The following MAEA variants were observed in gnomAD, a reference collection of about 807,000 sequenced individuals.
MAEA encodes macrophage erythroblast attacher, E3 ubiquitin ligase, also known as E3 ubiquitin-protein transferase MAEA.
Under a neutral mutation model 46.2 loss-of-function variants are expected in MAEA, and 22 were observed. The ratio of observed to expected loss-of-function variants is 0.48; its 90% confidence interval spans 0.34 to 0.68. The LOEUF (loss-of-function observed/expected upper bound fraction) is 0.68. Ranked by LOEUF, MAEA falls within the 30% of genes least tolerant of loss-of-function variation. The pLI, the probability that MAEA is intolerant of heterozygous loss-of-function variation, is 0.01. For missense variants in MAEA, 393 were observed against 558.1 expected, an observed-to-expected ratio of 0.70 and a Z score of 2.98; for synonymous variants, 246 against 222.6, an observed-to-expected ratio of 1.11 and a Z score of -0.94.
intron 3 of MAEA, among the ~76,000 whole-genome samples, chr4:1,316,556 A>T (rs758985114): frequency 1.3e-5 from 2 of 152,000 alleles, no homozygotes; most frequent in African/African-American, 2.4e-5. Context: ...ATGCCCAGCC[A>T]TGCGCCTGGC....
chr4:1,333,587 C>G (rs1482119016), intron 6 of MAEA, among the ~76,000 whole-genome samples: 2 of 152,144 alleles, frequency 1.3e-5, no homozygotes, highest in Non-Finnish European at 2.9e-5. Flanking sequence ...CATCACTAAC[C>G]AGGCACCCTG....
At chr4:1,327,851 C>T in intron 5 of MAEA, 148 bp downstream of exon 5, 1 of 642,244 alleles carries the variant, frequency 1.6e-6, no homozygotes, top group Non-Finnish European at 2.7e-6. Flanking sequence ...GCTCAGGTGG[C>T]TGCTTCTCCC....
rs1263611153 is a variant in MAEA at position 1,297,095 on chromosome 4, C to T, written c.69+7113C>T. 3.9e-5 allele frequency among the ~76,000 whole-genome samples: 6 copies of T among 152,318 alleles called. No individual in the cohort carries two copies. In the South Asian group the frequency reaches 8.3e-4, roughly 21 times the overall value. On this transcript the variant is annotated intron_variant, in intron 1 of 8. Transcript: ENST00000303400. ...GGCAGTTCAAAGATACGATACCAGG[C>T]GCAAAACCAAATGCCGCATCTCGGC... is the stretch of plus-strand genomic sequence containing the variant.
rs1713225841 is a variant in MAEA, at chr4:1,339,347, T to C, written c.*178T>C. ...AAAATAAGGTTTCATAAGTTTGTAC[T>C]TGAAAACATTTGGATTGGTAGGATT... On this transcript the variant is annotated 3_prime_UTR_variant, in exon 9 of 9. Transcript: ENST00000303400. The C allele has an allele frequency of 1.7e-6, 1 of 588,156 alleles. No individual in the cohort carries two copies. The highest frequency in any genetic ancestry group is 2.8e-5 in the East Asian group (1 of 35,596). 36.4% of individuals were successfully genotyped at this position (588,156 alleles called of 1,614,324 possible).
At chr4:1,321,548 A>G (rs1453305803) in intron 3 of MAEA, among the ~76,000 whole-genome samples, 1 of 152,260 alleles carries the variant, frequency 6.6e-6, no homozygotes, top group African/African-American at 2.4e-5. Context: ...AAAACAGCGC[A>G]TCTGTGAGGC....
chr4:1,324,367 G>T (rs987054269), intron 4 of MAEA, among the ~76,000 whole-genome samples: 1 of 151,650 alleles, frequency 6.6e-6, no homozygotes, highest in African/African-American at 2.4e-5. Context: ...AGTGTGTCTG[G>T]TGTTGGATGA....
chr4:1,304,528 CCT>C (rs1405336784), intron 1 of MAEA, among the ~76,000 whole-genome samples: 1 of 152,208 alleles, frequency 6.6e-6, no homozygotes, highest in Non-Finnish European at 1.5e-5. Flanking sequence ...GCAAGCTCCG[CCT>C]CTTGGGTTTA....
intron 1 of MAEA, among the ~76,000 whole-genome samples, chr4:1,306,673 C>G (rs1213905995): frequency 2.6e-5 from 4 of 152,164 alleles, no homozygotes; most frequent in African/African-American, 9.7e-5. Flanking sequence ...ACATTGTTTT[C>G]TGAAGAGCAG....
chr4:1,322,589 G>A (rs1738269691), intron 4 of MAEA, 86 bp downstream of exon 4: 6 of 1,549,158 alleles, frequency 3.9e-6, no homozygotes, highest in African/African-American at 1.4e-5. Context: ...CTTGCCTGGT[G>A]GTTCACAGTA....
chr4:1,318,016 C>G (rs1223034993), intron 3 of MAEA, among the ~76,000 whole-genome samples: 2 of 152,216 alleles, frequency 1.3e-5, no homozygotes, highest in African/African-American at 4.8e-5. Context: ...CCTGCCCAGG[C>G]TCATGTGACG....
chr4:1,306,757 A>G (rs1735875349), intron 1 of MAEA, among the ~76,000 whole-genome samples: 1 of 152,202 alleles, frequency 6.6e-6, no homozygotes, highest in African/African-American at 2.4e-5. Context: ...CCTTCTAAGA[A>G]ATTGTTGCCT....
At chr4:1,295,783 G>A (rs543250269) in intron 1 of MAEA, among the ~76,000 whole-genome samples, 3 of 30,588 alleles carry the variant, frequency 9.8e-5, no homozygotes, top group Non-Finnish European at 1.5e-4. Context: ...CCTCACCCGC[G>A]CCTGTGCCCC....
intron 5 of MAEA, chr4:1,328,922 A>T: frequency 1.0e-6 from 1 of 1,004,370 alleles, no homozygotes; most frequent in African/African-American, 1.7e-5. Flanking sequence ...GCCAGTGGAG[A>T]GTGGCGTGTG....
intron 3 of MAEA, among the ~76,000 whole-genome samples, chr4:1,319,992 C>G (rs1737825183): frequency 7.3e-6 from 1 of 137,050 alleles, no homozygotes; most frequent in Non-Finnish European, 1.5e-5. Flanking sequence ...AAAGAATCAT[C>G]AAAGCAAACA....
intron 1 of MAEA, chr4:1,309,998 T>C (rs1560344245): frequency 1.6e-6 from 2 of 1,232,038 alleles, no homozygotes; most frequent in Non-Finnish European, 2.0e-6. Flanking sequence ...AATGTGCTGG[T>C]GTGCGGATGC....
intron 3 of MAEA, among the ~76,000 whole-genome samples, chr4:1,319,097 A>G (rs1283480507): frequency 1.3e-5 from 2 of 152,174 alleles, no homozygotes; most frequent in South Asian, 2.1e-4. Flanking sequence ...TCAACCCGTA[A>G]TCCTAGCACT....
intron 4 of MAEA, among the ~76,000 whole-genome samples, chr4:1,325,574 C>G (rs915929129): frequency 1.3e-5 from 2 of 152,194 alleles, no homozygotes; most frequent in African/African-American, 4.8e-5. Flanking sequence ...TCCTGCTCTT[C>G]TAGAGCACCC....
intron 4 of MAEA, among the ~76,000 whole-genome samples, chr4:1,326,728 C>T (rs560474898): frequency 1.3e-5 from 2 of 152,252 alleles, no homozygotes; most frequent in East Asian, 3.9e-4. Flanking sequence ...ACGCGAGCCG[C>T]CCCTTGGCCT....
At chr4:1,290,635 G>A (rs528740757) in intron 1 of MAEA, among the ~76,000 whole-genome samples, 42 of 152,350 alleles carry the variant, frequency 2.8e-4, no homozygotes, top group African/African-American at 9.9e-4. Flanking sequence ...AAGCACCTGG[G>A]AAGGAATTCC....
Sources: gnomAD v4.1 joint callset for allele counts (sites outside exome capture counted in the v4.1 genomes callset) on GRCh38, gnomAD v4.1.1 for gene constraint, MANE v1.5 for transcripts, NCBI Gene and HGNC (gene_info 2026-07-23, HGNC 2026-07-21) for gene names.